PPM1E: variants seen among roughly 807,000 people sequenced by gnomAD.
PPM1E encodes protein phosphatase, Mg2+/Mn2+ dependent 1E.
PPM1E carries 20 observed loss-of-function variants against 65.9 expected under a neutral mutation model. That is an observed-to-expected ratio of 0.30 (90% CI 0.21 to 0.44). PPM1E has a LOEUF of 0.44. Among genes scored for constraint, PPM1E ranks in the 20% least tolerant of loss-of-function variants. The probability of loss-of-function intolerance (pLI) is 1.00; values close to 1 mark genes in which losing one functional copy is unlikely to be tolerated. For missense variants in PPM1E, 713 were observed against 953.1 expected, an observed-to-expected ratio of 0.75 and a Z score of 3.32; for synonymous variants, 352 against 374.9, an observed-to-expected ratio of 0.94 and a Z score of 0.70.
chr17:58,866,956 T>C (rs1189337532), intron 1 of PPM1E, among the ~76,000 whole-genome samples: 1 of 152,120 alleles, frequency 6.6e-6, no homozygotes, highest in Non-Finnish European at 1.5e-5. Context: ...GATAAATAAA[T>C]CTTAGAGGAG....
chr17:58,958,195 T>C lies in PPM1E; in HGVS notation c.583+2428T>C, dbSNP rs145908103. ...ATCACAGTGTAAAAATTATTATTTT[T>C]ATTTTTATTTTTATTTATTTTTTTT... On this transcript the variant is annotated intron_variant, in intron 2 of 6. Transcript: ENST00000308249. 4.6e-5 allele frequency among the ~76,000 whole-genome samples: 7 copies of C among 151,814 alleles called. No individual in the cohort carries two copies. The East Asian group carries it at 1.3e-3, about 29-fold the overall frequency.
intron 1 of PPM1E, among the ~76,000 whole-genome samples, chr17:58,764,864 A>C (rs1484606243): frequency 6.6e-6 from 1 of 151,554 alleles, no homozygotes; most frequent in Non-Finnish European, 1.5e-5. Context: ...AAAGTGCTGG[A>C]ATTGCAGGTG....
intron 1 of PPM1E, among the ~76,000 whole-genome samples, chr17:58,758,355 G>C (rs1362536832): frequency 1.3e-5 from 2 of 151,816 alleles, no homozygotes; most frequent in Admixed American, 6.6e-5. Flanking sequence ...TGGTGAAACT[G>C]CGTCTCTACT....
At position 58,861,747 on chromosome 17, in the gene PPM1E, G is replaced by A. The variant is rs922311675; in HGVS notation, c.465-93902G>A. Among the ~76,000 whole-genome samples the A allele has an allele frequency of 3.9e-5, 6 of 152,022 alleles. No individual in the cohort carries two copies. In the South Asian group the frequency reaches 1.0e-3, roughly 26 times the overall value. ...TTGAGACCAGCCTGGGCAACATGGCGAAACCTCATCTCTATGAAAAATACA... is the reference window on the plus strand; with the variant it reads ...TTGAGACCAGCCTGGGCAACATGGCAAAACCTCATCTCTATGAAAAATACA... On this transcript the variant is annotated intron_variant, in intron 1 of 6. Transcript: ENST00000308249.
chr17:58,768,632 G>A (rs908161769), intron 1 of PPM1E, among the ~76,000 whole-genome samples: 1 of 152,126 alleles, frequency 6.6e-6, no homozygotes, highest in African/African-American at 2.4e-5. Flanking sequence ...TGAAAGAAAA[G>A]AAAAAGTTAA....
chr17:58,760,425 T>A (rs1244301876), intron 1 of PPM1E, among the ~76,000 whole-genome samples: 1 of 152,154 alleles, frequency 6.6e-6, no homozygotes, highest in African/African-American at 2.4e-5. Context: ...TGACTTCTCC[T>A]TTCCCTGACT....
chr17:58,955,526 ATT>A (rs2029869629), intron 1 of PPM1E, 121 bp from the exon 2 acceptor site: 1 of 1,067,598 alleles, frequency 9.4e-7, no homozygotes. Context: ...TTTATTGAAT[ATT>A]GTTTAAAGGT....
At chr17:58,928,114 C>A (rs2051847499) in intron 1 of PPM1E, among the ~76,000 whole-genome samples, 1 of 151,724 alleles carries the variant, frequency 6.6e-6, no homozygotes, top group East Asian at 1.9e-4. Flanking sequence ...GGTCTGTGAT[C>A]TCAGCTACAC....
chr17:58,848,781 G>A (rs2050796002), intron 1 of PPM1E, among the ~76,000 whole-genome samples: 2 of 152,224 alleles, frequency 1.3e-5, no homozygotes, highest in Non-Finnish European at 2.9e-5. Context: ...GACGATGTTG[G>A]CCTCATAAAA....
intron 1 of PPM1E, among the ~76,000 whole-genome samples, chr17:58,916,617 C>T (rs2051686306): frequency 1.3e-5 from 2 of 152,004 alleles, no homozygotes; most frequent in African/African-American, 2.4e-5. Context: ...CAGAGCGAGA[C>T]CCTATCTCAA....
chr17:58,778,244 C>T (rs1037258415), intron 1 of PPM1E, among the ~76,000 whole-genome samples: 2 of 151,974 alleles, frequency 1.3e-5, no homozygotes, highest in East Asian at 1.9e-4. Context: ...GAATTACAGG[C>T]GTGTGCCACC....
intron 1 of PPM1E, among the ~76,000 whole-genome samples, chr17:58,841,143 T>C (rs1027860054): frequency 4.6e-5 from 7 of 152,226 alleles, no homozygotes; most frequent in African/African-American, 1.4e-4. Context: ...CATACTGATA[T>C]ATAAATAATT....
At chr17:58,889,526 G>A (rs1457082588) in intron 1 of PPM1E, among the ~76,000 whole-genome samples, 1 of 152,192 alleles carries the variant, frequency 6.6e-6, no homozygotes, top group Non-Finnish European at 1.5e-5. Flanking sequence ...TTGAACCCAG[G>A]AGGCGGAGGT....
chr17:58,765,233 A>G (rs1302296986), intron 1 of PPM1E, among the ~76,000 whole-genome samples: 1 of 146,028 alleles, frequency 6.8e-6, no homozygotes, highest in Non-Finnish European at 1.5e-5. Context: ...GCTGGAGTGC[A>G]GTGACACGAT....
At chr17:58,888,644 C>T (rs1195709147) in intron 1 of PPM1E, among the ~76,000 whole-genome samples, 2 of 152,116 alleles carry the variant, frequency 1.3e-5, no homozygotes. Context: ...AGGCGTGAGC[C>T]ACCACACCCG....
chr17:58,802,513 G>A (rs754852893), intron 1 of PPM1E, among the ~76,000 whole-genome samples: 4 of 151,960 alleles, frequency 2.6e-5, no homozygotes, highest in Non-Finnish European at 4.4e-5. Context: ...TTAGCTACTC[G>A]GGATCTTTTG....
At chr17:58,891,985 G>A (rs775015353) in intron 1 of PPM1E, among the ~76,000 whole-genome samples, 28 of 151,654 alleles carry the variant, frequency 1.8e-4, no homozygotes, top group East Asian at 1.6e-3. Context: ...ACAGGCATGC[G>A]CCACCATGCA....
At chr17:58,930,603 G>A (rs1311518394) in intron 1 of PPM1E, among the ~76,000 whole-genome samples, 1 of 152,174 alleles carries the variant, frequency 6.6e-6, no homozygotes, top group Admixed American at 6.5e-5. Flanking sequence ...ATAGGTCAAG[G>A]AAGATTTGGT....
At chr17:58,780,389 A>C (rs190168403) in intron 1 of PPM1E, among the ~76,000 whole-genome samples, 102 of 152,268 alleles carry the variant, frequency 6.7e-4, no homozygotes, top group Non-Finnish European at 1.3e-3. Flanking sequence ...GGTCCTAGCT[A>C]CTCAGGAGGC....
Sources: allele counts gnomAD v4.1 joint callset (sites outside exome capture counted in the v4.1 genomes callset), GRCh38; gene constraint gnomAD v4.1.1; transcripts MANE v1.5; gene names NCBI Gene and HGNC (gene_info 2026-07-23, HGNC 2026-07-21).